TCEANC2: variants seen among roughly 807,000 people sequenced by gnomAD.
TCEANC2 encodes the protein transcription elongation factor A N-terminal and central domain-containing protein 2.
TCEANC2 carries 20 observed loss-of-function variants against 22.8 expected under a neutral mutation model. The ratio of observed to expected loss-of-function variants is 0.88; its 90% confidence interval spans 0.62 to 1.28. The LOEUF is 1.28. Ranked by LOEUF, TCEANC2 falls within the 50% of genes most tolerant of loss-of-function variation. The pLI is 0.00. For synonymous variants in TCEANC2, 84 were observed against 95.5 expected, an observed-to-expected ratio of 0.88 and a Z score of 0.70; for missense variants, 251 against 249.7, an observed-to-expected ratio of 1.01 and a Z score of -0.03.
rs1557696784 is a variant in TCEANC2, at chr1:54,101,633, T to G, written c.*5160T>G. ...TGTAAACAGACAATAAACAGACAAT[T>G]TTTACTATTTATTTTTATTTTGGGA... On this transcript the variant is annotated 3_prime_UTR_variant, in exon 5 of 5. Coordinates refer to ENST00000234827, the MANE Select transcript of TCEANC2 (RefSeq NM_153035.3). The G allele has an allele frequency of 6.6e-6, 1 of 152,020 alleles. No homozygotes were observed. The highest frequency in any genetic ancestry group is 1.5e-5 in the Non-Finnish European group (1 of 68,016). The allele number at this position is 152,020 out of a possible 1,614,324, so 9.4% of individuals were successfully genotyped here. A position where few individuals can be genotyped will look rare whatever the true frequency, so the allele number is the denominator to read the frequency against.
chr1:54,065,105 A>G (rs929580025), intron 2 of TCEANC2, among the ~76,000 whole-genome samples: 1 of 152,202 alleles, frequency 6.6e-6, no homozygotes, highest in African/African-American at 2.4e-5. Flanking sequence ...AAACCATAAG[A>G]TAAGAACAGA....
chr1:54,064,323 C>A (rs1051536007), intron 2 of TCEANC2, among the ~76,000 whole-genome samples: 1 of 152,100 alleles, frequency 6.6e-6, no homozygotes, highest in South Asian at 2.1e-4. Flanking sequence ...GGACAGAATG[C>A]GTAAAGCAAC....
At chr1:54,090,894 G>A (rs1658433873) in intron 4 of TCEANC2, among the ~76,000 whole-genome samples, 1 of 152,100 alleles carries the variant, frequency 6.6e-6, no homozygotes, top group African/African-American at 2.4e-5. Context: ...ATGCTTGTAA[G>A]GATTAATGAG....
At chr1:54,076,779 G>T (rs1262396623) in intron 3 of TCEANC2, among the ~76,000 whole-genome samples, 2 of 152,210 alleles carry the variant, frequency 1.3e-5, no homozygotes, top group Admixed American at 6.5e-5. Context: ...CTGGATACAT[G>T]TGATTAAAAC....
intron 2 of TCEANC2, among the ~76,000 whole-genome samples, chr1:54,068,346 C>T (rs1180566211): frequency 6.6e-6 from 1 of 152,188 alleles, no homozygotes; most frequent in Non-Finnish European, 1.5e-5. Flanking sequence ...TGGGGAACTA[C>T]TGAAGTGTGC....
At chr1:54,081,966 T>A (rs1658254454) in intron 3 of TCEANC2, among the ~76,000 whole-genome samples, 1 of 152,234 alleles carries the variant, frequency 6.6e-6, no homozygotes, top group Admixed American at 6.5e-5. Context: ...AATAACAGTA[T>A]CTCAATAGAG....
intron 3 of TCEANC2, among the ~76,000 whole-genome samples, chr1:54,081,548 T>C (rs923724769): frequency 6.6e-6 from 1 of 152,212 alleles, no homozygotes; most frequent in Non-Finnish European, 1.5e-5. Context: ...GCGCAGCCTG[T>C]CATTATTAAT....
intron 2 of TCEANC2, among the ~76,000 whole-genome samples, chr1:54,057,347 ATTT>A (rs1163556776): frequency 1.2e-5 from 1 of 85,926 alleles, no homozygotes; most frequent in African/African-American, 4.9e-5. Flanking sequence ...CACCTGGCTA[ATTT>A]TTTTTTTTTT....
intron 3 of TCEANC2, among the ~76,000 whole-genome samples, chr1:54,075,038 G>T (rs1658122911): frequency 6.6e-6 from 1 of 152,188 alleles, no homozygotes; most frequent in African/African-American, 2.4e-5. Context: ...TGTTAAGATT[G>T]ATTACCAAGA....
At chr1:54,093,721 A>G (rs1310006252) in intron 4 of TCEANC2, among the ~76,000 whole-genome samples, 1 of 139,622 alleles carries the variant, frequency 7.2e-6, no homozygotes, top group Admixed American at 7.7e-5. Context: ...ATTCCAAGAT[A>G]CTCTCAGAGT....
At chr1:54,095,195 G>A (rs1018731274) in intron 4 of TCEANC2, among the ~76,000 whole-genome samples, 1 of 152,140 alleles carries the variant, frequency 6.6e-6, no homozygotes, top group Non-Finnish European at 1.5e-5. Context: ...AGTGACTAAG[G>A]GAAGCTCAGG....
chr1:54,083,818 A>G (rs1658288787), intron 3 of TCEANC2, among the ~76,000 whole-genome samples: 1 of 152,146 alleles, frequency 6.6e-6, no homozygotes, highest in Non-Finnish European at 1.5e-5. Flanking sequence ...ACCATTAATA[A>G]TTTTATTGTA....
intron 3 of TCEANC2, among the ~76,000 whole-genome samples, chr1:54,084,031 T>C (rs1295838398): frequency 6.6e-6 from 1 of 152,006 alleles, no homozygotes; most frequent in African/African-American, 2.4e-5. Flanking sequence ...TTTTTTTTTT[T>C]TGAGACCGTC....
At chr1:54,069,419 A>G (rs1658016741) in intron 3 of TCEANC2, among the ~76,000 whole-genome samples, 1 of 152,030 alleles carries the variant, frequency 6.6e-6, no homozygotes, top group Admixed American at 6.6e-5. Flanking sequence ...ACCAGCCAGG[A>G]CAACATGGCA....
At chr1:54,063,487 A>G (rs903873959) in intron 2 of TCEANC2, among the ~76,000 whole-genome samples, 2 of 152,156 alleles carry the variant, frequency 1.3e-5, no homozygotes, top group Non-Finnish European at 2.9e-5. Context: ...CTATTTGCCT[A>G]TACTCTATAT....
intron 2 of TCEANC2, among the ~76,000 whole-genome samples, chr1:54,068,148 G>A (rs1657991957): frequency 6.6e-6 from 1 of 152,204 alleles, no homozygotes. Flanking sequence ...AAGGGAAAGA[G>A]GGGAATGAGT....
rs972031042 is a variant in TCEANC2, at chr1:54,096,884, C to T, written c.*411C>T. On this transcript the variant is annotated 3_prime_UTR_variant, in exon 5 of 5. Transcript: ENST00000234827. The surrounding 1 kb of genome is among the most constrained non-coding windows in gnomAD (Gnocchi z 4.9). ...ATTACCGCTGCCGCTCACTCGGTTCCATCCCCCTGAGTTTAGATAGCTCTG... is the reference window on the plus strand; with the variant it reads ...ATTACCGCTGCCGCTCACTCGGTTCTATCCCCCTGAGTTTAGATAGCTCTG... 2.0e-6 allele frequency: 2 copies of T among 990,628 alleles called. No individual in the cohort carries two copies. The highest frequency in any genetic ancestry group is 2.4e-6 in the Non-Finnish European group (2 of 832,924). 61.4% of individuals were successfully genotyped at this position (990,628 alleles called of 1,614,324 possible). A position where few individuals can be genotyped will look rare whatever the true frequency, so the allele number is the denominator to read the frequency against.
chr1:54,086,904 T>TG (rs1658349175), intron 3 of TCEANC2, among the ~76,000 whole-genome samples: 1 of 152,118 alleles, frequency 6.6e-6, no homozygotes, highest in Non-Finnish European at 1.5e-5. Context: ...GGGCTAGGGA[T>TG]GGAGGAAAAG....
At chr1:54,081,276 C>A (rs543943699) in intron 3 of TCEANC2, among the ~76,000 whole-genome samples, 4 of 152,236 alleles carry the variant, frequency 2.6e-5, no homozygotes, top group African/African-American at 9.6e-5. Flanking sequence ...ATCATCCAGG[C>A]TGAGTGCAAT....
Sources: gnomAD v4.1 joint callset for allele counts (sites outside exome capture counted in the v4.1 genomes callset) on GRCh38, gnomAD v4.1.1 for gene constraint, Gnocchi (gnomAD v3.1) non-coding constraint, MANE v1.5 for transcripts, NCBI Gene and HGNC (gene_info 2026-07-23, HGNC 2026-07-21) for gene names.